Variants in ELMO1 observed in about 807,000 individuals in gnomAD.
ELMO1 encodes engulfment and cell motility protein 1.
In ELMO1, 26 loss-of-function variants were observed where a neutral mutation model predicts 98.9. The ratio of observed to expected loss-of-function variants is 0.26; its 90% CI spans 0.19 to 0.36. The LOEUF is 0.36. Ranked by LOEUF, ELMO1 falls within the 10% of genes least tolerant of loss-of-function variation. ELMO1 has a pLI of 1.00. For missense variants in ELMO1, 627 were observed against 935.2 expected, an observed-to-expected ratio of 0.67 and a Z score of 4.30; for synonymous variants, 346 against 346.0, an observed-to-expected ratio of 1.00 and a Z score of 0.00.
In ELMO1 at chr7:37,345,067, C is replaced by G. The variant is rs1475953833; in HGVS notation, c.-73-2304G>C. On this transcript the variant is annotated intron_variant, in intron 1 of 21. Transcript: ENST00000310758. ...ATATAAATAACTAACTTCAGCGCAG[C>G]TGACAAGTAAAGGAAATGAACCAAA... 5.3e-5 allele frequency among the ~76,000 whole-genome samples: 8 copies of G among 152,210 alleles called. No individual in the cohort carries two copies. The East Asian group carries it at 1.3e-3, about 26-fold the overall frequency.
intron 16 of ELMO1, among the ~76,000 whole-genome samples, chr7:36,949,079 C>A (rs1000429524): frequency 2.6e-5 from 4 of 152,174 alleles, no homozygotes; most frequent in Admixed American, 6.5e-5. Flanking sequence ...TGGTCTTGAA[C>A]TCCTGACCTC....
intron 5 of ELMO1, among the ~76,000 whole-genome samples, chr7:37,261,273 A>G (rs115412369): frequency 4.2e-4 from 64 of 152,370 alleles, no homozygotes; most frequent in Middle Eastern, 3.4e-3. Context: ...GAAGTTAGGT[A>G]ACTTGCCCAA....
intron 2 of ELMO1, 31 bp from the exon 3 acceptor site, chr7:37,315,991 T>G (rs752553615): frequency 6.8e-7 from 1 of 1,476,952 alleles, no homozygotes; most frequent in Admixed American, 2.1e-5. Flanking sequence ...AAATACTTGT[T>G]AGTTTCGTTT....
intron 16 of ELMO1, 114 bp from the exon 17 acceptor site, chr7:36,895,131 G>C (rs1805887560): frequency 8.4e-7 from 1 of 1,185,924 alleles, no homozygotes; most frequent in Non-Finnish European, 1.2e-6. Flanking sequence ...CGCATGCTCA[G>C]CATTAACCTT....
chr7:37,204,915 G>A (rs117816704), intron 13 of ELMO1, among the ~76,000 whole-genome samples: 5,064 of 152,218 alleles, frequency 0.033, 192 homozygotes, highest in Admixed American at 0.12. Flanking sequence ...CCTATAGCTA[G>A]GCAGAAAAGT....
intron 16 of ELMO1, among the ~76,000 whole-genome samples, chr7:36,904,281 G>A (rs1038858293): frequency 1.3e-5 from 2 of 152,208 alleles, no homozygotes; most frequent in African/African-American, 2.4e-5. Flanking sequence ...AATGTGCCTC[G>A]AGAGCCAAAC....
At chr7:37,181,834 T>C (rs1584773752) in intron 13 of ELMO1, among the ~76,000 whole-genome samples, 1 of 152,264 alleles carries the variant, frequency 6.6e-6, no homozygotes, top group Admixed American at 6.5e-5. Context: ...GAAAATATGG[T>C]GTAACTTATG....
intron 4 of ELMO1, among the ~76,000 whole-genome samples, chr7:37,298,281 T>G (rs1241853070): frequency 2.9e-4 from 15 of 52,572 alleles, no homozygotes; most frequent in Admixed American, 1.7e-3. Flanking sequence ...CTAGGAAGTT[T>G]TTTTTGTTTT....
At chr7:37,410,225 T>C (rs144435462) in intron 1 of ELMO1, among the ~76,000 whole-genome samples, 7 of 152,372 alleles carry the variant, frequency 4.6e-5, no homozygotes, top group South Asian at 2.1e-4. Flanking sequence ...CCCAGTACTA[T>C]TGCAGTTTGG....
intron 7 of ELMO1, 142 bp from the exon 8 acceptor site, chr7:37,233,336 A>G: frequency 1.5e-6 from 1 of 679,334 alleles, no homozygotes; most frequent in Non-Finnish European, 2.4e-6. Flanking sequence ...TGACTTCTTC[A>G]CTAACATGAG....
intron 16 of ELMO1, chr7:37,001,993 T>G (rs1486629494): frequency 6.6e-6 from 1 of 152,240 alleles, no homozygotes; most frequent in East Asian, 1.9e-4. Flanking sequence ...TAACAGTTGC[T>G]GTCTTAGTCA....
chr7:37,185,709 T>A (rs1487468049), intron 13 of ELMO1, among the ~76,000 whole-genome samples: 2 of 152,210 alleles, frequency 1.3e-5, no homozygotes, highest in Non-Finnish European at 2.9e-5. Flanking sequence ...GGTCTACTTA[T>A]AATAGCATAC....
At chr7:37,217,238 C>A (rs906125904) in intron 10 of ELMO1, among the ~76,000 whole-genome samples, 2 of 152,220 alleles carry the variant, frequency 1.3e-5, no homozygotes, top group Non-Finnish European at 2.9e-5. Context: ...TCTACACTCA[C>A]TGAGCTCTGC....
intron 5 of ELMO1, chr7:37,269,430 C>CTTTTTTT (rs35437017): frequency 9.9e-6 from 1 of 100,966 alleles, no homozygotes; most frequent in Non-Finnish European, 2.0e-5. Flanking sequence ...GGGCTCCTAT[C>CTTTTTTT]TTTTTTTTTT....
At chr7:37,111,541 C>T (rs889121767) in intron 14 of ELMO1, among the ~76,000 whole-genome samples, 5 of 152,146 alleles carry the variant, frequency 3.3e-5, no homozygotes, top group Non-Finnish European at 7.3e-5. Flanking sequence ...TAGCATACTA[C>T]CAAATTCAAT....
intron 16 of ELMO1, among the ~76,000 whole-genome samples, chr7:36,969,474 T>C (rs117275503): frequency 6.6e-6 from 1 of 152,338 alleles, no homozygotes; most frequent in East Asian, 1.9e-4. Context: ...ATTTAAGATC[T>C]GTGTCATTTC....
At chr7:37,046,639 T>C (rs1229278156) in intron 15 of ELMO1, among the ~76,000 whole-genome samples, 4 of 152,140 alleles carry the variant, frequency 2.6e-5, no homozygotes, top group South Asian at 2.1e-4. Context: ...ATGAGACAAA[T>C]CAAAGAATGA....
chr7:37,119,737 CAT>C (rs1178804104), intron 14 of ELMO1, among the ~76,000 whole-genome samples: 1 of 152,090 alleles, frequency 6.6e-6, no homozygotes, highest in Non-Finnish European at 1.5e-5. Context: ...ATATTAGAAA[CAT>C]ATATATGCTC....
intron 13 of ELMO1, among the ~76,000 whole-genome samples, chr7:37,199,940 A>G (rs1452454761): frequency 6.6e-6 from 1 of 152,224 alleles, no homozygotes; most frequent in African/African-American, 2.4e-5. Context: ...CACTGTGCAG[A>G]GGCCCTGCCC....
Sources: gnomAD v4.1 joint callset for allele counts (sites outside exome capture counted in the v4.1 genomes callset) on GRCh38, gnomAD v4.1.1 for gene constraint, MANE v1.5 for transcripts, NCBI Gene and HGNC (gene_info 2026-07-23, HGNC 2026-07-21) for gene names.